DOCK4: variants seen among roughly 807,000 people sequenced by gnomAD.
The protein encoded by DOCK4 is dedicator of cytokinesis 4.
In DOCK4, 97 loss-of-function variants were observed where a neutral mutation model predicts 268.1. The ratio of observed to expected loss-of-function variants is 0.36; its 90% CI spans 0.31 to 0.43. The LOEUF is 0.43. Among genes scored for constraint, DOCK4 ranks in the 20% least tolerant of loss-of-function variants. The probability of loss-of-function intolerance (pLI) is 1.00; values close to 1 mark genes in which losing one functional copy is unlikely to be tolerated. For missense variants in DOCK4, 2,145 were observed against 2,455.7 expected (o/e 0.87, Z 2.67); for synonymous variants, 954 against 887.2 (o/e 1.08, Z -1.34).
At chr7:112,102,726 A>G (rs1413634349) in intron 1 of DOCK4, among the ~76,000 whole-genome samples, 1 of 152,232 alleles carries the variant, frequency 6.6e-6, no homozygotes, top group African/African-American at 2.4e-5. Context: ...AGCCTCCAGA[A>G]CAGTGAGAAA....
chr7:112,127,134 A>C (rs12113130), intron 1 of DOCK4, among the ~76,000 whole-genome samples: 44,976 of 149,150 alleles, frequency 0.3, 7,665 homozygotes, highest in East Asian at 0.42. Context: ...GGCATTATTC[A>C]CAATAGCAAA....
intron 8 of DOCK4, among the ~76,000 whole-genome samples, chr7:111,965,152 G>A (rs1176746489): frequency 1.1e-5 from 1 of 88,022 alleles, no homozygotes; most frequent in Non-Finnish European, 2.0e-5. Context: ...ATCAACTAAT[G>A]AGCAAAATCA....
chr7:111,977,142 G>T lies in DOCK4; in HGVS notation c.691C>A (p.Arg231=). The change falls in exon 8 of 53, where the codon CGG becomes AGG. Residue 231 remains arginine (R), a synonymous_variant. Transcript: ENST00000428084. Reference sequence around the variant, plus strand: ...TCCACGTGCAGGTACCTGATTGGCCGGTTCTCTTTACTGTCAAAGAGTGAG... The same window carrying T: ...TCCACGTGCAGGTACCTGATTGGCCTGTTCTCTTTACTGTCAAAGAGTGAG... ...IFSLFDSKEN[R]PISERFFLRL... is the part of the protein sequence containing the mutation. 1 of 1,612,892 alleles carries T rather than the reference G, an allele frequency of 6.2e-7. No homozygotes were observed. Among genetic ancestry groups the T allele is most frequent in the Non-Finnish European group, 8.5e-7 (1 of 1,179,460 alleles).
At chr7:111,903,604 C>T (rs532428976) in intron 13 of DOCK4, among the ~76,000 whole-genome samples, 1 of 152,218 alleles carries the variant, frequency 6.6e-6, no homozygotes, top group Non-Finnish European at 1.5e-5. Context: ...TTTTTACTCC[C>T]ACATTTGATG....
At chr7:112,181,915 C>T (rs17159336) in intron 1 of DOCK4, among the ~76,000 whole-genome samples, 15,673 of 152,192 alleles carry the variant, frequency 0.1, 1,036 homozygotes, top group South Asian at 0.15. Context: ...AAGGGATCTG[C>T]CTCTAGGGTG....
chr7:112,055,061 T>G (rs1342125701), intron 1 of DOCK4, among the ~76,000 whole-genome samples: 2 of 152,182 alleles, frequency 1.3e-5, no homozygotes, highest in East Asian at 3.8e-4. Context: ...ATCAATAAGG[T>G]CTTAGAAACT....
intron 1 of DOCK4, among the ~76,000 whole-genome samples, chr7:112,185,163 C>T (rs1243447089): frequency 6.6e-6 from 1 of 152,152 alleles, no homozygotes; most frequent in East Asian, 1.9e-4. Flanking sequence ...GTGTGGGGGC[C>T]ACAGCTGGTC....
intron 5 of DOCK4, among the ~76,000 whole-genome samples, chr7:111,992,198 G>A (rs1482434879): frequency 1.3e-5 from 2 of 152,076 alleles, no homozygotes; most frequent in African/African-American, 2.4e-5. Context: ...TTCACCATGT[G>A]CTTTTATGCT....
chr7:111,750,469 T>C (rs1432901897), intron 42 of DOCK4, among the ~76,000 whole-genome samples: 1 of 152,004 alleles, frequency 6.6e-6, no homozygotes, highest in Admixed American at 6.6e-5. Flanking sequence ...CTCTCTGGAG[T>C]AGAAAATGGA....
At chr7:111,840,731 A>G in intron 25 of DOCK4, 1 of 1,143,094 alleles carries the variant, frequency 8.7e-7, no homozygotes. Flanking sequence ...AAGAATTCAC[A>G]ATGGCACATT....
intron 1 of DOCK4, among the ~76,000 whole-genome samples, chr7:112,034,731 C>A (rs1803589103): frequency 6.6e-6 from 1 of 152,132 alleles, no homozygotes; most frequent in African/African-American, 2.4e-5. Flanking sequence ...GAAACCCCAT[C>A]CCTACTAAAA....
intron 12 of DOCK4, among the ~76,000 whole-genome samples, chr7:111,926,434 AAGAC>A (rs779825861): frequency 3.4e-5 from 5 of 147,392 alleles, no homozygotes; most frequent in Non-Finnish European, 5.9e-5. Context: ...AGAAAAAAGA[AAGAC>A]AGAGAGAGAG....
At chr7:112,204,279 A>C (rs1821188318) in intron 1 of DOCK4, among the ~76,000 whole-genome samples, 1 of 152,192 alleles carries the variant, frequency 6.6e-6, no homozygotes, top group African/African-American at 2.4e-5. Context: ...CAAGAAAATA[A>C]ATCCCATCCA....
At chr7:112,088,556 C>T (rs1367789432) in intron 1 of DOCK4, among the ~76,000 whole-genome samples, 1 of 152,038 alleles carries the variant, frequency 6.6e-6, no homozygotes, top group Non-Finnish European at 1.5e-5. Flanking sequence ...TTAAAGCAGC[C>T]AGTATGACCT....
intron 30 of DOCK4, chr7:111,808,464 T>C (rs528993254): frequency 2.1e-5 from 4 of 194,730 alleles, no homozygotes; most frequent in African/African-American, 4.7e-5. Flanking sequence ...AAATTTATTA[T>C]GATTCATAGC....
At chr7:111,847,557 C>T (rs892132435) in intron 23 of DOCK4, among the ~76,000 whole-genome samples, 1 of 152,064 alleles carries the variant, frequency 6.6e-6, no homozygotes, top group African/African-American at 2.4e-5. Flanking sequence ...TCCCATAACT[C>T]CCTGTGGGAG....
At chr7:111,732,902 A>G (rs2133376476) in intron 51 of DOCK4, among the ~76,000 whole-genome samples, 1 of 152,348 alleles carries the variant, frequency 6.6e-6, no homozygotes. Flanking sequence ...GGATTTCATC[A>G]TCGTGGCCAA....
chr7:111,901,294 A>G (rs571113589), intron 14 of DOCK4, among the ~76,000 whole-genome samples: 4 of 143,596 alleles, frequency 2.8e-5, no homozygotes, highest in Non-Finnish European at 6.0e-5. Context: ...AGATCATACT[A>G]CTGCACTCCA....
Position 111,801,243 on chromosome 7 carries a change from C to T in DOCK4, c.3166+7578G>A, listed in dbSNP as rs73715254. 5.1e-3 allele frequency among the ~76,000 whole-genome samples: 773 copies of T among 152,296 alleles called. 10 individuals carry two copies. Among genetic ancestry groups the T allele is most frequent in the East Asian group, 0.037 (194 of 5,182 alleles). ...TGTGTGAATGACACACCTGGTCAAA[C>T]CAATCCTCTGGGCCCATGCAAATCA... On this transcript the variant is annotated intron_variant, in intron 30 of 52. Coordinates refer to ENST00000428084, the MANE Select transcript of DOCK4 (RefSeq NM_001363540.2).
Sources: allele counts gnomAD v4.1 joint callset (sites outside exome capture counted in the v4.1 genomes callset), GRCh38; gene constraint gnomAD v4.1.1; transcripts MANE v1.5; gene names NCBI Gene and HGNC (gene_info 2026-07-23, HGNC 2026-07-21).